The following PRRG1 variants were observed in gnomAD, a reference collection of about 807,000 sequenced individuals.
The protein encoded by PRRG1 is proline rich and Gla domain 1.
In PRRG1, 5 loss-of-function variants were observed where a neutral mutation model predicts 11.8. The ratio of observed to expected loss-of-function variants is 0.42; its 90% CI spans 0.22 to 0.89. The LOEUF is 0.89. Ranked by LOEUF, PRRG1 falls within the 40% of genes least tolerant of loss-of-function variation. PRRG1 has a pLI of 0.28. For synonymous variants in PRRG1, 66 were observed against 60.4 expected (o/e 1.09, Z -0.43); for missense variants, 155 against 166.1 (o/e 0.93, Z 0.37).
chrX:37,417,852 C>T (rs1556385679), intron 2 of PRRG1, among the ~76,000 whole-genome samples: 1 of 111,782 alleles, frequency 8.9e-6, no homozygotes, highest in African/African-American at 3.2e-5. Context: ...AAGCTAAGCA[C>T]AGGATTGGGT....
intron 3 of PRRG1, among the ~76,000 whole-genome samples, chrX:37,445,061 G>A (rs1355031291): frequency 1.8e-5 from 2 of 111,608 alleles, no homozygotes; most frequent in Non-Finnish European, 3.8e-5. Flanking sequence ...AGCTGAAAAG[G>A]AGAGGAATGG....
At chrX:37,369,024 G>T (rs895988499) in intron 1 of PRRG1, among the ~76,000 whole-genome samples, 1 of 111,343 alleles carries the variant, frequency 9.0e-6, no homozygotes, top group Non-Finnish European at 1.9e-5. Context: ...AGCCCACAAG[G>T]CACTATTATC....
At chrX:37,390,806 T>A (rs1032833904) in intron 1 of PRRG1, among the ~76,000 whole-genome samples, 1 of 111,702 alleles carries the variant, frequency 9.0e-6, no homozygotes, top group African/African-American at 3.3e-5. Context: ...AAAAATTGGA[T>A]GGGAACTGGC....
intron 3 of PRRG1, among the ~76,000 whole-genome samples, chrX:37,436,124 G>A (rs1479248164): frequency 1.8e-5 from 2 of 111,962 alleles, no homozygotes; most frequent in African/African-American, 3.2e-5. Flanking sequence ...TCTAAAGAAA[G>A]CAGTTTAGCT....
intron 1 of PRRG1, among the ~76,000 whole-genome samples, chrX:37,389,007 A>G (rs1931431370): frequency 8.9e-6 from 1 of 112,254 alleles, no homozygotes; most frequent in African/African-American, 3.2e-5. Context: ...TTCTTCTGCC[A>G]GATATCCTAA....
intron 2 of PRRG1, among the ~76,000 whole-genome samples, chrX:37,415,206 C>T (rs1017231037): frequency 2.7e-5 from 3 of 111,628 alleles, no homozygotes; most frequent in African/African-American, 9.8e-5. Context: ...GCCAGGAGTT[C>T]GAGACCAGCC....
At chrX:37,438,222 T>C (rs1932911725) in intron 3 of PRRG1, among the ~76,000 whole-genome samples, 1 of 109,917 alleles carries the variant, frequency 9.1e-6, no homozygotes, top group African/African-American at 3.3e-5. Context: ...AAAAAATAAA[T>C]AAATTACTAA....
Position 37,453,585 on chromosome X carries a change from C to T in PRRG1, c.621C>T (p.Ala207=). The change falls in exon 4 of 4, where the codon GCC becomes GCT. Residue 207 remains alanine (A), a synonymous_variant. Coordinates refer to ENST00000378628, the MANE Select transcript of PRRG1 (RefSeq NM_001142395.2). ...TAGTCAACTCCAACTCAGCCAGTGCCATTCCTATGGTGCCTGTGGTCACCA... is the reference window on the plus strand; with the variant it reads ...TAGTCAACTCCAACTCAGCCAGTGCTATTCCTATGGTGCCTGTGGTCACCA... ...EDIVNSNSAS[A]IPMVPVVTTI... is the part of the protein sequence containing the mutation. 8.3e-7 allele frequency: 1 copy of T among 1,199,872 alleles called. No individual in the cohort carries two copies. Among genetic ancestry groups the T allele is most frequent in the Non-Finnish European group, 1.1e-6 (1 of 888,500 alleles).
chrX:37,407,964 C>T (rs188702163), intron 2 of PRRG1, among the ~76,000 whole-genome samples: 209 of 112,096 alleles, frequency 1.9e-3, no homozygotes, highest in African/African-American at 6.6e-3. Context: ...TCCAGAGCTG[C>T]CCTTGGAAAT....
chrX:37,437,516 T>C (rs1042510523), intron 3 of PRRG1, among the ~76,000 whole-genome samples: 9 of 112,408 alleles, frequency 8.0e-5, no homozygotes, highest in African/African-American at 2.9e-4. Context: ...ACCTGTCACC[T>C]ATCATGCTGC....
intron 1 of PRRG1, among the ~76,000 whole-genome samples, chrX:37,389,059 G>T (rs983516829): frequency 8.9e-6 from 1 of 111,841 alleles, no homozygotes; most frequent in Non-Finnish European, 1.9e-5. Context: ...TCCCTAGGGT[G>T]GGGGTACAAT....
chrX:37,411,592 T>A (rs890721432), intron 2 of PRRG1, among the ~76,000 whole-genome samples: 19 of 112,016 alleles, frequency 1.7e-4, no homozygotes, highest in African/African-American at 6.1e-4. Flanking sequence ...ACTTTCCATC[T>A]GAATTTTTTT....
At chrX:37,361,680 C>T (rs1422050920) in intron 1 of PRRG1, among the ~76,000 whole-genome samples, 4 of 111,409 alleles carry the variant, frequency 3.6e-5, no homozygotes, top group Non-Finnish European at 7.5e-5. Context: ...TTTCTGGAGT[C>T]CTAGTTAACA....
intron 1 of PRRG1, among the ~76,000 whole-genome samples, chrX:37,357,316 T>C (rs990233459): frequency 1.8e-5 from 2 of 112,145 alleles, no homozygotes; most frequent in African/African-American, 6.5e-5. Context: ...AAAAATATCT[T>C]GGTTGCTTCC....
intron 1 of PRRG1, 101 bp downstream of exon 1, chrX:37,349,496 G>A (rs1277554461): frequency 8.9e-6 from 1 of 112,683 alleles, no homozygotes; most frequent in African/African-American, 3.2e-5. Context: ...TCGGTTCTGC[G>A]AGGAGAAACC....
chrX:37,450,644 A>G (rs1921091680), intron 3 of PRRG1, among the ~76,000 whole-genome samples: 1 of 112,471 alleles, frequency 8.9e-6, no homozygotes, highest in Admixed American at 9.4e-5. Context: ...GGTTAGCATC[A>G]TGTAATTATT....
chrX:37,432,329 G>C (rs781977818), intron 3 of PRRG1, among the ~76,000 whole-genome samples: 1 of 110,280 alleles, frequency 9.1e-6, no homozygotes, highest in East Asian at 2.9e-4. Context: ...CTCATGATCC[G>C]CCCGCCTTGG....
intron 2 of PRRG1, among the ~76,000 whole-genome samples, chrX:37,408,465 C>T (rs1932254300): frequency 9.0e-6 from 1 of 111,283 alleles, no homozygotes; most frequent in Admixed American, 9.5e-5. Flanking sequence ...CAAATGTATC[C>T]CCATGATGTT....
intron 1 of PRRG1, among the ~76,000 whole-genome samples, chrX:37,393,485 G>A (rs1298094620): frequency 2.7e-5 from 3 of 111,184 alleles, no homozygotes; most frequent in African/African-American, 9.8e-5. Flanking sequence ...AATTAAGCAA[G>A]CTCTTAGGTA....
Sources: allele counts gnomAD v4.1 joint callset (sites outside exome capture counted in the v4.1 genomes callset), GRCh38; gene constraint gnomAD v4.1.1; transcripts MANE v1.5; gene names NCBI Gene and HGNC (gene_info 2026-07-23, HGNC 2026-07-21).